SUSD1: variants seen among roughly 807,000 people sequenced by gnomAD.
The protein encoded by SUSD1 is sushi domain containing 1.
A neutral mutation model predicts 86.9 loss-of-function variants in SUSD1; 65 were observed. The ratio of observed to expected loss-of-function variants is 0.75; its 90% CI spans 0.61 to 0.92. SUSD1 has a LOEUF of 0.92. Among genes scored for constraint, SUSD1 ranks in the 40% least tolerant of loss-of-function variants. The pLI, the probability that SUSD1 is intolerant of heterozygous loss-of-function variation, is 0.00. For missense variants in SUSD1, 850 were observed against 929.7 expected, an observed-to-expected ratio of 0.91 and a Z score of 1.11; for synonymous variants, 346 against 350.0, an observed-to-expected ratio of 0.99 and a Z score of 0.13.
intron 14 of SUSD1, among the ~76,000 whole-genome samples, chr9:112,056,732 G>T (rs1476579974): frequency 6.6e-6 from 1 of 151,568 alleles, no homozygotes; most frequent in Non-Finnish European, 1.5e-5. Flanking sequence ...GTGTGTGTGT[G>T]TGTGAGACAG....
At chr9:112,052,736 C>T (rs1434839899) in intron 14 of SUSD1, among the ~76,000 whole-genome samples, 2 of 152,150 alleles carry the variant, frequency 1.3e-5, no homozygotes, top group African/African-American at 4.8e-5. Flanking sequence ...TTCCCCTGAC[C>T]AGCTCTGAGC....
chr9:112,142,414 A>C lies in SUSD1; in HGVS notation c.612T>G (p.Tyr204Ter). Residue 204 changes from tyrosine to a stop codon, truncating the protein, a stop_gained, in exon 5 of 17, where the codon TAT (tyrosine) becomes TAG (stop). Coordinates refer to ENST00000374270, the MANE Select transcript of SUSD1 (RefSeq NM_022486.5). LOFTEE classifies it high-confidence loss of function. Reference sequence around the variant, plus strand: ...CACTGAAGAATCCTTCTCTGCAAGCATAACGAACCTGGCTGCCCAGACTAG... The same window carrying C: ...CACTGAAGAATCCTTCTCTGCAAGCCTAACGAACCTGGCTGCCCAGACTAG... ...YTSSLGSQVR[Y>*]ACREGFFSVP... 1 of 1,614,156 alleles carries C rather than the reference A, an allele frequency of 6.2e-7. No individual in the cohort carries two copies.
Position 112,175,201 on chromosome 9 carries a change from C to T in SUSD1, c.35G>A (p.Arg12His). The T allele has an allele frequency of 8.6e-7, 1 of 1,158,610 alleles. No homozygotes were observed. The highest frequency in any genetic ancestry group is 1.1e-6 in the Non-Finnish European group (1 of 944,208). The allele number at this position is 1,158,610 out of a possible 1,614,324, so 71.8% of individuals were successfully genotyped here. ...GRGPWDAGPS[R>H]RLLPLLLLLG... is the part of the protein sequence containing the mutation. ...CAGCAGCAACAGCGGCAGCAGGCGG[C>T]GAGACGGGCCCGCATCCCAGGGCCC... is the stretch of plus-strand genomic sequence containing the variant. The change falls in exon 1 of 17, where the codon CGC becomes CAC. Residue 12 changes from arginine (R) to histidine (H), a missense_variant. By Grantham distance (29) the Arg-to-His change is conservative. Coordinates refer to ENST00000374270, the MANE Select transcript of SUSD1 (RefSeq NM_022486.5). The surrounding 1 kb of genome is among the most constrained non-coding windows in gnomAD (Gnocchi z 4.7).
chr9:112,052,794 T>A (rs1046703319), intron 14 of SUSD1, among the ~76,000 whole-genome samples: 1 of 152,110 alleles, frequency 6.6e-6, no homozygotes, highest in South Asian at 2.1e-4. Flanking sequence ...GATTCTGAGG[T>A]CACACGTTCA....
chr9:112,158,483 C>T (rs377092525), intron 1 of SUSD1, among the ~76,000 whole-genome samples: 9 of 152,006 alleles, frequency 5.9e-5, no homozygotes, highest in African/African-American at 1.2e-4. Context: ...CTTGACCTCC[C>T]GGGCTCATGC....
Position 112,041,249 on chromosome 9 carries a change from T to C in SUSD1, c.*243A>G. The stretch of plus-strand genomic sequence containing the variant: ...TGTACATCAGGAGTCTCAAGTTCAT[T>C]GCACAGAACTGGTCCTGTAGCAGGG... On this transcript the variant is annotated 3_prime_UTR_variant, in exon 17 of 17. Transcript: ENST00000374270. The C allele has an allele frequency of 1.7e-6, 1 of 601,460 alleles. No individual in the cohort carries two copies. Among genetic ancestry groups the C allele is most frequent in the Non-Finnish European group, 3.0e-6 (1 of 338,202 alleles). The allele number at this position is 601,460 out of a possible 1,614,324, so 37.3% of individuals were successfully genotyped here. A position where few individuals can be genotyped will look rare whatever the true frequency, so the allele number is the denominator to read the frequency against.
intron 5 of SUSD1, among the ~76,000 whole-genome samples, chr9:112,136,311 G>C (rs1832261333): frequency 6.6e-6 from 1 of 152,160 alleles, no homozygotes; most frequent in Non-Finnish European, 1.5e-5. Flanking sequence ...ACAGCTCACT[G>C]TAACCTTGAA....
rs1832947232 is a variant in SUSD1, at chr9:112,149,366, A to G, written c.251T>C (p.Val84Ala). The change falls in exon 3 of 17, where the codon GTC becomes GCC. Residue 84 changes from valine (V) to alanine (A), a missense_variant. Coordinates refer to ENST00000374270, the MANE Select transcript of SUSD1 (RefSeq NM_022486.5). The part of the protein sequence containing the change: ...KNECQFGATL[V>A]CGNHTSCHNT... ...GTGGCAAGATGTGTGGTTCCCACAGACAAGAGTGGCTCCAAACTGGCACTC... is the reference window on the plus strand; with the variant it reads ...GTGGCAAGATGTGTGGTTCCCACAGGCAAGAGTGGCTCCAAACTGGCACTC... The G allele has an allele frequency of 6.2e-7, 1 of 1,614,170 alleles. No homozygotes were observed. Among genetic ancestry groups the G allele is most frequent in the East Asian group, 2.2e-5 (1 of 44,878 alleles).
At chr9:112,124,165 T>C (rs1435690021) in intron 6 of SUSD1, 92 bp downstream of exon 6, 4 of 1,324,674 alleles carry the variant, frequency 3.0e-6, no homozygotes, top group Non-Finnish European at 4.2e-6. Context: ...GTACAGTATG[T>C]AGAGTGAAGC....
intron 10 of SUSD1, among the ~76,000 whole-genome samples, chr9:112,089,469 T>C (rs1830111833): frequency 6.6e-6 from 1 of 152,124 alleles, no homozygotes; most frequent in African/African-American, 2.4e-5. Flanking sequence ...AATGAAGATA[T>C]AGTACAACCA....
At chr9:112,052,071 T>C (rs1828238090) in intron 15 of SUSD1, 1 of 1,171,382 alleles carries the variant, frequency 8.5e-7, no homozygotes. Context: ...CCCTCTCACA[T>C]GTCCTACAGT....
intron 10 of SUSD1, among the ~76,000 whole-genome samples, chr9:112,087,307 G>T (rs1274393673): frequency 6.6e-6 from 1 of 152,088 alleles, no homozygotes; most frequent in Non-Finnish European, 1.5e-5. Flanking sequence ...TCAGCCTCCT[G>T]AGTAGCTGGA....
chr9:112,076,277 G>A (rs1269916263), intron 12 of SUSD1, among the ~76,000 whole-genome samples: 1 of 152,208 alleles, frequency 6.6e-6, no homozygotes, highest in African/African-American at 2.4e-5. Flanking sequence ...CCAAGCAAGA[G>A]GTGGCTGTCT....
At chr9:112,090,654 A>T (rs562937725) in intron 10 of SUSD1, among the ~76,000 whole-genome samples, 1 of 152,290 alleles carries the variant, frequency 6.6e-6, no homozygotes, top group East Asian at 1.9e-4. Context: ...GCCACATACG[A>T]CAATACACAA....
At chr9:112,057,570 C>T (rs1828507587) in intron 14 of SUSD1, among the ~76,000 whole-genome samples, 1 of 152,212 alleles carries the variant, frequency 6.6e-6, no homozygotes, top group African/African-American at 2.4e-5. Context: ...TCACAAAGCG[C>T]TGCTAGACAT....
At chr9:112,132,394 T>C (rs1207135859) in intron 5 of SUSD1, among the ~76,000 whole-genome samples, 1 of 152,190 alleles carries the variant, frequency 6.6e-6, no homozygotes, top group African/African-American at 2.4e-5. Context: ...AAGCAAGTGT[T>C]ATATGTAAAG....
chr9:112,065,465 C>T (rs1324567564), intron 12 of SUSD1, among the ~76,000 whole-genome samples: 1 of 152,198 alleles, frequency 6.6e-6, no homozygotes, highest in Admixed American at 6.5e-5. Context: ...GCAGAGGTTG[C>T]AGTGAGCCGA....
intron 6 of SUSD1, among the ~76,000 whole-genome samples, chr9:112,116,895 T>C (rs1589679395): frequency 6.6e-6 from 1 of 152,308 alleles, no homozygotes; most frequent in South Asian, 2.1e-4. Context: ...ATCTCAGCAC[T>C]TTGAGAGGCC....
At chr9:112,104,089 C>A (rs1830734920) in intron 8 of SUSD1, among the ~76,000 whole-genome samples, 1 of 152,062 alleles carries the variant, frequency 6.6e-6, no homozygotes, top group Non-Finnish European at 1.5e-5. Context: ...ACCCAGACTA[C>A]ACTGCAACCT....
Sources: allele counts gnomAD v4.1 joint callset (sites outside exome capture counted in the v4.1 genomes callset), GRCh38; gene constraint gnomAD v4.1.1; non-coding constraint Gnocchi (gnomAD v3.1); transcripts MANE v1.5; gene names NCBI Gene and HGNC (gene_info 2026-07-23, HGNC 2026-07-21).